HAPLN3: variants seen among roughly 807,000 people sequenced by gnomAD.
HAPLN3 encodes extracellular link domain containing, 1.
Under a neutral mutation model 28.1 loss-of-function variants are expected in HAPLN3, and 28 were observed. The ratio of observed to expected loss-of-function variants is 1.00; its 90% CI spans 0.74 to 1.37. The LOEUF (loss-of-function observed/expected upper bound fraction) is 1.37. HAPLN3 is among the 40% of genes most tolerant of loss of function. The pLI is 0.00. For synonymous variants in HAPLN3, 211 were observed against 213.1 expected (o/e 0.99, Z 0.09); for missense variants, 513 against 504.6 (o/e 1.02, Z -0.16).
chr15:88,889,666 G>A lies in HAPLN3; in HGVS notation c.-47-2321C>T, dbSNP rs910196551. Reference sequence around the variant, plus strand: ...TCTATCCTTTGTCCTGGAGGCCAGTGATGGCTTTAAGCAGAGAAGTCACAG... The same window carrying A: ...TCTATCCTTTGTCCTGGAGGCCAGTAATGGCTTTAAGCAGAGAAGTCACAG... On this transcript the variant is annotated intron_variant, in intron 1 of 4. Coordinates refer to ENST00000359595, the MANE Select transcript of HAPLN3 (RefSeq NM_178232.4). Among the ~76,000 whole-genome samples, 8 of 152,286 alleles carry A rather than the reference G, an allele frequency of 5.3e-5. No individual in the cohort carries two copies. In the East Asian group the frequency reaches 1.5e-3, roughly 29 times the overall value.
At chr15:88,884,948 C>G (rs933017946) in intron 2 of HAPLN3, among the ~76,000 whole-genome samples, 1 of 152,224 alleles carries the variant, frequency 6.6e-6, no homozygotes, top group African/African-American at 2.4e-5. Flanking sequence ...GAGGTACAGT[C>G]CTATCCGCAC....
At chr15:88,878,372 G>A (rs1373778140) in intron 4 of HAPLN3, 116 bp from the exon 5 acceptor site, 2 of 885,956 alleles carry the variant, frequency 2.3e-6, no homozygotes, top group African/African-American at 1.7e-5. Context: ...CTACCATACT[G>A]CAGGCATCTG....
rs914055808 is a variant in HAPLN3, at chr15:88,888,046, A to T, written c.-47-701T>A. On this transcript the variant is annotated intron_variant, in intron 1 of 4. Coordinates refer to ENST00000359595, the MANE Select transcript of HAPLN3 (RefSeq NM_178232.4). This position sits in a 1 kb window ranked among gnomAD's most constrained non-coding sequence, Gnocchi z 4.1. ...CGCCAAATAAACTAGACTAGAATAG[A>T]AAATATCAGGGTGAATAGAGGGTAT... Among the ~76,000 whole-genome samples, 1 of 152,176 alleles carries T rather than the reference A, an allele frequency of 6.6e-6. No homozygotes were observed.
rs371405099 is a variant in HAPLN3 at position 88,878,070 on chromosome 15, G to C, written c.983C>G (p.Pro328Arg). Residue 328 changes from proline to arginine, a missense_variant, in exon 5 of 5, where the codon CCG (proline) becomes CGG (arginine). Transcript: ENST00000359595. ...DGSVRYPVVH[P>R]HPNCGPPEPG... Reference sequence around the variant, plus strand: ...CTCTGGGGGCCCACAGTTAGGATGCGGGTGAACCACAGGGTAGCGGACGCT... The same window carrying C: ...CTCTGGGGGCCCACAGTTAGGATGCCGGTGAACCACAGGGTAGCGGACGCT... The C allele has an allele frequency of 3.1e-6, 5 of 1,613,918 alleles. No homozygotes were observed. The highest frequency in any genetic ancestry group is 4.2e-6 in the Non-Finnish European group (5 of 1,179,990).
Position 88,879,950 on chromosome 15 carries a change from T to C in HAPLN3, c.494-681A>G. The C allele has an allele frequency of 9.9e-7, 1 of 1,006,070 alleles. No individual in the cohort carries two copies. 62.3% of individuals were successfully genotyped at this position (1,006,070 alleles called of 1,614,324 possible). A position where few individuals can be genotyped will look rare whatever the true frequency, so the allele number is the denominator to read the frequency against. On this transcript the variant is annotated intron_variant, in intron 3 of 4. Transcript: ENST00000359595. This position sits in a 1 kb window ranked among gnomAD's most constrained non-coding sequence, Gnocchi z 5.0. The stretch of plus-strand genomic sequence containing the variant: ...TGAGATGTAGTCTCTACCAAGTCAA[T>C]GAAACCTTAGGGAGTGGAGGTGACC...
At chr15:88,882,778 A>C (rs967478315) in intron 2 of HAPLN3, among the ~76,000 whole-genome samples, 3 of 152,120 alleles carry the variant, frequency 2.0e-5, no homozygotes, top group Non-Finnish European at 2.9e-5. Context: ...CCAGGACAGG[A>C]GGATCGCTTC....
At position 88,877,684 on chromosome 15, in the gene HAPLN3, C is replaced by A. The variant is rs150205606; in HGVS notation, c.*286G>T. The A allele has an allele frequency of 2.0e-3, 737 of 363,526 alleles. 3 individuals carry two copies. Among genetic ancestry groups the A allele is most frequent in the African/African-American group, 0.014 (656 of 47,650 alleles). 22.5% of individuals were successfully genotyped at this position (363,526 alleles called of 1,614,324 possible). ...GCCACCGCCCACTCTGGGCACCAAC[C>A]TCCTTAAGGGAGGGAGACCAGCCTG... On this transcript the variant is annotated 3_prime_UTR_variant, in exon 5 of 5. Coordinates refer to ENST00000359595, the MANE Select transcript of HAPLN3 (RefSeq NM_178232.4). The surrounding 1 kb of genome is among the most constrained non-coding windows in gnomAD (Gnocchi z 5.1).
At chr15:88,891,440 G>T (rs180903899) in intron 1 of HAPLN3, among the ~76,000 whole-genome samples, 4 of 152,236 alleles carry the variant, frequency 2.6e-5, no homozygotes, top group Non-Finnish European at 1.5e-5. Flanking sequence ...GGGATTACAG[G>T]TGTGTGCCAC....
chr15:88,885,691 G>A (rs186614788), intron 2 of HAPLN3, among the ~76,000 whole-genome samples: 45 of 152,188 alleles, frequency 3.0e-4, no homozygotes, highest in African/African-American at 9.2e-4. Context: ...TCTTGACCTC[G>A]TGATCCATCC....
Position 88,881,494 on chromosome 15 carries a change from A to C in HAPLN3, c.356T>G (p.Val119Gly), listed in dbSNP as rs771864123. Reference sequence around the variant, plus strand: ...ATGCTCTTTGTCCTGCCGCAGGTGCACGCGGCCTTGGTAGTCCCCAAAGGA... The same window carrying C: ...ATGCTCTTTGTCCTGCCGCAGGTGCCCGCGGCCTTGGTAGTCCCCAAAGGA... ...HRSFGDYQGR[V>G]HLRQDKEHDV... Residue 119 changes from valine to glycine, a missense_variant, in exon 3 of 5, where the codon GTG (valine) becomes GGG (glycine). Coordinates refer to ENST00000359595, the MANE Select transcript of HAPLN3 (RefSeq NM_178232.4). The surrounding 1 kb of genome is among the most constrained non-coding windows in gnomAD (Gnocchi z 6.0). The C allele has an allele frequency of 6.2e-7, 1 of 1,614,068 alleles. No individual in the cohort carries two copies. Among genetic ancestry groups the C allele is most frequent in the Non-Finnish European group, 8.5e-7 (1 of 1,180,036 alleles).
At position 88,883,099 on chromosome 15, in the gene HAPLN3, T is replaced by C. The variant is rs565923157; in HGVS notation, c.125-1374A>G. ...AGGAGACAGACAGGGAGGTTCCCTG[T>C]AGAGGAATCGTGCTAAAAAAGAGCT... is the stretch of plus-strand genomic sequence containing the variant. On this transcript the variant is annotated intron_variant, in intron 2 of 4. Transcript: ENST00000359595. Among the ~76,000 whole-genome samples the C allele has an allele frequency of 3.0e-4, 45 of 152,308 alleles. No individual in the cohort carries two copies. In the South Asian group the frequency reaches 9.1e-3, roughly 31 times the overall value.
Position 88,887,263 on chromosome 15 carries a change from C to T in HAPLN3, c.36G>A (p.Leu12=), listed in dbSNP as rs762322621. The T allele has an allele frequency of 6.2e-7, 1 of 1,614,186 alleles. No homozygotes were observed. The highest frequency in any genetic ancestry group is 1.1e-5 in the South Asian group (1 of 91,080). The change falls in exon 2 of 5, where the codon CTG becomes CTA. Residue 12 remains leucine, a synonymous_variant. Transcript: ENST00000359595. ...GLLLLVPLLL[L]PGSYGLPFYN... ...AGAAGGGCAGTCCGTAGGAGCCGGG[C>T]AGCAGGAGCAACGGGACCAGGAGCA...
chr15:88,879,079 C>A lies in HAPLN3; in HGVS notation c.684G>T (p.Leu228Phe). ...QDATVQYPIM[L>F]PRQPCGGPGL... The stretch of plus-strand genomic sequence containing the variant: ...CCGGGCCACCGCAGGGCTGCCGGGG[C>A]AACATGATGGGGTACTGCACCGTGG... The change falls in exon 4 of 5, where the codon TTG (leucine) becomes TTT (phenylalanine). Residue 228 changes from leucine to phenylalanine, a missense_variant. By Grantham distance (22) the Leu-to-Phe change is conservative (BLOSUM62 0). Coordinates refer to ENST00000359595, the MANE Select transcript of HAPLN3 (RefSeq NM_178232.4). The surrounding 1 kb of genome is among the most constrained non-coding windows in gnomAD (Gnocchi z 5.0). 6.2e-7 allele frequency: 1 copy of A among 1,609,350 alleles called. No individual in the cohort carries two copies. Among genetic ancestry groups the A allele is most frequent in the Non-Finnish European group, 8.5e-7 (1 of 1,177,902 alleles).
chr15:88,892,884 C>G, intron 1 of HAPLN3: 1 of 1,392,616 alleles, frequency 7.2e-7, no homozygotes, highest in Non-Finnish European at 9.7e-7. Context: ...CCTCTGCTCC[C>G]CTACCATGGC....
intron 2 of HAPLN3, among the ~76,000 whole-genome samples, chr15:88,884,512 C>A (rs922946699): frequency 6.6e-6 from 1 of 151,980 alleles, no homozygotes; most frequent in African/African-American, 2.4e-5. Context: ...TGCAGTGAGC[C>A]GAGATCGCGC....
In HAPLN3 at chr15:88,879,108, C is replaced by T; in HGVS notation, c.655G>A (p.Asp219Asn). ...LDWCNAGWLQ[D>N]ATVQYPIMLP... is the part of the protein sequence containing the mutation. ...ATGATGGGGTACTGCACCGTGGCATCCTGCAGCCAGCCCGCGTTGCACCAG... is the reference window on the plus strand; with the variant it reads ...ATGATGGGGTACTGCACCGTGGCATTCTGCAGCCAGCCCGCGTTGCACCAG... Residue 219 changes from aspartate (D) to asparagine (N), a missense_variant, in exon 4 of 5, where the codon GAT becomes AAT. Coordinates refer to ENST00000359595, the MANE Select transcript of HAPLN3 (RefSeq NM_178232.4). This position sits in a 1 kb window ranked among gnomAD's most constrained non-coding sequence, Gnocchi z 5.0. The T allele has an allele frequency of 6.2e-7, 1 of 1,612,906 alleles. No individual in the cohort carries two copies. Among genetic ancestry groups the T allele is most frequent in the Non-Finnish European group, 8.5e-7 (1 of 1,179,616 alleles).
Position 88,881,836 on chromosome 15 carries a change from G to A in HAPLN3, c.125-111C>T, listed in dbSNP as rs1303016777. 3.4e-6 allele frequency: 4 copies of A among 1,171,736 alleles called. No homozygotes were observed. Among genetic ancestry groups the A allele is most frequent in the Non-Finnish European group, 4.8e-6 (4 of 840,728 alleles). The allele number at this position is 1,171,736 out of a possible 1,614,324, so 72.6% of individuals were successfully genotyped here. On this transcript the variant is annotated intron_variant, in intron 2 of 4. Transcript: ENST00000359595. This position sits in a 1 kb window ranked among gnomAD's most constrained non-coding sequence, Gnocchi z 6.0. The stretch of plus-strand genomic sequence containing the variant: ...TCCTACAGGCTCAGATTGCAAAAAT[G>A]GCCACCATGCTCCACCCCTCCCTGT...
At chr15:88,887,446 T>C (rs1596173229) in intron 1 of HAPLN3, 101 bp from the exon 2 acceptor site, 1 of 1,085,288 alleles carries the variant, frequency 9.2e-7, no homozygotes, top group East Asian at 2.6e-5. Context: ...AACAGCTCAC[T>C]GCGGGACACC....
chr15:88,893,746 G>A (rs1376927268), intron 1 of HAPLN3, among the ~76,000 whole-genome samples: 3 of 152,012 alleles, frequency 2.0e-5, no homozygotes, highest in East Asian at 1.9e-4. Flanking sequence ...TGGCCAACAC[G>A]GTGAAACCCC....
Sources: allele counts gnomAD v4.1 joint callset (sites outside exome capture counted in the v4.1 genomes callset), GRCh38; gene constraint gnomAD v4.1.1; non-coding constraint Gnocchi (gnomAD v3.1); transcripts MANE v1.5; gene names NCBI Gene and HGNC (gene_info 2026-07-23, HGNC 2026-07-21).